The following ATXN2 variants were observed in gnomAD, a reference collection of about 807,000 sequenced individuals.
ATXN2 encodes the protein ataxin 2.
A neutral mutation model predicts 138.6 loss-of-function variants in ATXN2; 37 were observed. That is an observed-to-expected ratio of 0.27 (90% confidence interval 0.21 to 0.35). The LOEUF (loss-of-function observed/expected upper bound fraction) is 0.35, where lower values mean the gene tolerates loss of function less well. Ranked by LOEUF, ATXN2 falls within the 10% of genes least tolerant of loss-of-function variation. The pLI is 1.00. For missense variants in ATXN2, 1,216 were observed against 1,480.3 expected (o/e 0.82, Z 2.93); for synonymous variants, 549 against 543.7 (o/e 1.01, Z -0.13).
At chr12:111,550,011 G>A (rs534491611) in intron 5 of ATXN2, among the ~76,000 whole-genome samples, 4 of 147,166 alleles carry the variant, frequency 2.7e-5, no homozygotes, top group South Asian at 2.1e-4. Context: ...GCGGTGAGCC[G>A]AGATCAGGCC....
chr12:111,482,499 T>C (rs1421494426), intron 18 of ATXN2, among the ~76,000 whole-genome samples: 1 of 151,992 alleles, frequency 6.6e-6, no homozygotes, highest in East Asian at 1.9e-4. Context: ...AGACTCTGAG[T>C]ATATCATTTC....
At chr12:111,595,627 C>T (rs1452375970) in intron 1 of ATXN2, among the ~76,000 whole-genome samples, 15 of 146,626 alleles carry the variant, frequency 1.0e-4, no homozygotes, top group Non-Finnish European at 4.5e-5. Context: ...GGGCAAACAC[C>T]GAGACTCTGT....
rs372706374 is a variant in ATXN2, at chr12:111,510,633, T to A, written c.1559-51A>T. ...TTACATTCTCAGTTCAAATGTTACT[T>A]CCTAAAAGAGGCTTCAGGCTTCTCT... On this transcript the variant is annotated intron_variant, in intron 11 of 24. Coordinates refer to ENST00000673436, the MANE Select transcript of ATXN2 (RefSeq NM_001372574.1). 1.4e-5 allele frequency: 21 copies of A among 1,498,512 alleles called. No individual in the cohort carries two copies. The African/African-American group carries it at 2.6e-4, about 19-fold the overall frequency. 92.8% of individuals were successfully genotyped at this position (1,498,512 alleles called of 1,614,324 possible).
rs776895918 is a variant in ATXN2 at position 111,552,418 on chromosome 12, G to C, written c.433C>G (p.Leu145Val). 21 of 1,607,180 alleles carry C rather than the reference G, an allele frequency of 1.3e-5. No homozygotes were observed. Residue 145 changes from leucine to valine, a missense_variant, in exon 5 of 25, where the codon CTT (leucine) becomes GTT (valine). By Grantham distance (32) the Leu-to-Val change is conservative (BLOSUM62 1). Transcript: ENST00000673436. The surrounding 1 kb of genome is among the most constrained non-coding windows in gnomAD (Gnocchi z 4.1). ...KTYSPKCDLV[L>V]DAAHEKSTES... ...GTACTTTTCTCATGTGCGGCATCAA[G>C]TACCAAATCACACTAAAATGAAAAA...
At chr12:111,466,540 G>A (rs147447283) in intron 20 of ATXN2, among the ~76,000 whole-genome samples, 61 of 152,252 alleles carry the variant, frequency 4.0e-4, no homozygotes, top group African/African-American at 1.4e-3. Context: ...TTTGACAAAA[G>A]CCCTTTCTAA....
At chr12:111,581,801 C>T in intron 1 of ATXN2, 2 of 502,074 alleles carry the variant, frequency 4.0e-6, no homozygotes, top group South Asian at 4.4e-5. Flanking sequence ...TTATCTAGGC[C>T]AGGAGCTCTG....
chr12:111,532,828 T>C (rs1258532812), intron 5 of ATXN2, among the ~76,000 whole-genome samples: 1 of 140,004 alleles, frequency 7.1e-6, no homozygotes, highest in Non-Finnish European at 1.5e-5. Context: ...GGAGTGGTCA[T>C]CAAGGCTGCA....
intron 14 of ATXN2, among the ~76,000 whole-genome samples, chr12:111,493,839 G>C (rs1411332806): frequency 3.9e-5 from 6 of 152,126 alleles, no homozygotes; most frequent in Non-Finnish European, 5.9e-5. Flanking sequence ...ACGTTGGTCA[G>C]GCTGGTCTCG....
chr12:111,558,455 C>T (rs1882504612), intron 1 of ATXN2, among the ~76,000 whole-genome samples: 1 of 151,972 alleles, frequency 6.6e-6, no homozygotes, highest in Non-Finnish European at 1.5e-5. Context: ...TTAATAGTTG[C>T]CAAATATGAA....
At chr12:111,489,876 G>A (rs893131463) in intron 14 of ATXN2, among the ~76,000 whole-genome samples, 13 of 152,086 alleles carry the variant, frequency 8.5e-5, no homozygotes, top group African/African-American at 2.4e-4. Flanking sequence ...TGATAGACTC[G>A]TCAAAAGGAA....
chr12:111,489,506 G>A (rs11065924), intron 14 of ATXN2, among the ~76,000 whole-genome samples: 8 of 151,932 alleles, frequency 5.3e-5, no homozygotes, highest in African/African-American at 1.9e-4. Flanking sequence ...CCTGCTACTC[G>A]GGAGGCTGAG....
chr12:111,539,730 C>G (rs571373536), intron 5 of ATXN2, among the ~76,000 whole-genome samples: 1 of 149,290 alleles, frequency 6.7e-6, no homozygotes, highest in Admixed American at 6.7e-5. Context: ...GCCTGGGCAA[C>G]AGAGCAAGAC....
intron 5 of ATXN2, among the ~76,000 whole-genome samples, chr12:111,534,475 T>C (rs7136679): frequency 0.1 from 15,575 of 152,150 alleles, 2,665 homozygotes; most frequent in African/African-American, 0.35. Context: ...CTGTTATCTG[T>C]AAGTCACTGT....
rs1592861888 is a variant in ATXN2 at position 111,525,229 on chromosome 12, G to A, written c.659C>T (p.Thr220Ile). 3 of 1,613,562 alleles carry A rather than the reference G, an allele frequency of 1.9e-6. No homozygotes were observed. Among genetic ancestry groups the A allele is most frequent in the Non-Finnish European group, 2.5e-6 (3 of 1,179,906 alleles). The part of the protein sequence containing the change: ...DLEPWDAGEL[T>I]ANEELEALEN... ...CAAAGCCTCAAGTTCCTCATTGGCT[G>A]TGAGTTCACCTGCATCCCAGGGCTC... The change falls in exon 6 of 25, where the codon ACA (threonine) becomes ATA (isoleucine). Residue 220 changes from threonine to isoleucine, a missense_variant. Thr to Ile is a moderately conservative substitution (Grantham distance 89). Coordinates refer to ENST00000673436, the MANE Select transcript of ATXN2 (RefSeq NM_001372574.1).
chr12:111,519,063 CCT>C (rs2135739973), intron 8 of ATXN2, among the ~76,000 whole-genome samples: 1 of 152,216 alleles, frequency 6.6e-6, no homozygotes, highest in South Asian at 2.1e-4. Context: ...CTCCATGTTT[CCT>C]CTCTCTCTTA....
At chr12:111,457,631 T>C (rs1875210373) in intron 21 of ATXN2, 2 of 276,092 alleles carry the variant, frequency 7.2e-6, no homozygotes, top group Admixed American at 4.9e-5. Context: ...GGTCACTAGG[T>C]TTTCCCAAAA....
At chr12:111,542,710 C>A (rs1881586685) in intron 5 of ATXN2, among the ~76,000 whole-genome samples, 2 of 152,154 alleles carry the variant, frequency 1.3e-5, no homozygotes, top group Admixed American at 1.3e-4. Flanking sequence ...CATCCTCCCG[C>A]CTCAGCCTCC....
At chr12:111,482,118 G>A (rs1311729091) in intron 18 of ATXN2, among the ~76,000 whole-genome samples, 2 of 151,686 alleles carry the variant, frequency 1.3e-5, no homozygotes, top group Non-Finnish European at 2.9e-5. Context: ...TTGGGAGGCC[G>A]AGGGAGGTGG....
chr12:111,540,637 C>T (rs1354874407), intron 5 of ATXN2, among the ~76,000 whole-genome samples: 1 of 149,092 alleles, frequency 6.7e-6, no homozygotes, highest in African/African-American at 2.4e-5. Flanking sequence ...TATTTTTCTA[C>T]TTTTCCCAGT....
Sources: gnomAD v4.1 joint callset for allele counts (sites outside exome capture counted in the v4.1 genomes callset) on GRCh38, gnomAD v4.1.1 for gene constraint, Gnocchi (gnomAD v3.1) non-coding constraint, MANE v1.5 for transcripts, NCBI Gene and HGNC (gene_info 2026-07-23, HGNC 2026-07-21) for gene names.